ZNF200: variants seen among roughly 807,000 people sequenced by gnomAD.
ZNF200 encodes zinc finger protein 200.
A neutral mutation model predicts 33.6 loss-of-function variants in ZNF200; 35 were observed. The ratio of observed to expected loss-of-function variants is 1.04; its 90% confidence interval spans 0.80 to 1.38. ZNF200 has a LOEUF of 1.38. Among genes scored for constraint, ZNF200 ranks in the 40% most tolerant of loss-of-function variants. The probability of loss-of-function intolerance (pLI) is 0.00; values close to 1 mark genes in which losing one functional copy is unlikely to be tolerated. For synonymous variants in ZNF200, 209 were observed against 167.7 expected, an observed-to-expected ratio of 1.25 and a Z score of -1.90; for missense variants, 592 against 470.6, an observed-to-expected ratio of 1.26 and a Z score of -2.39.
intron 2 of ZNF200, 109 bp downstream of exon 2, chr16:3,233,397 T>C (rs1958697888): frequency 2.1e-6 from 3 of 1,415,830 alleles, no homozygotes; most frequent in Admixed American, 5.2e-5. Context: ...AATTGACTCC[T>C]TTTCCAATAT....
intron 3 of ZNF200, 53 bp from the exon 4 acceptor site, chr16:3,232,600 C>T: frequency 1.2e-6 from 2 of 1,600,614 alleles, no homozygotes; most frequent in Non-Finnish European, 1.7e-6. Flanking sequence ...CACTGACAGC[C>T]CTACTGGTAA....
chr16:3,233,900 G>A (rs1596344289), intron 1 of ZNF200, 64 bp from the exon 2 acceptor site: 1 of 1,352,042 alleles, frequency 7.4e-7, no homozygotes, highest in Non-Finnish European at 1.0e-6. Flanking sequence ...ACTCCAATAT[G>A]TGGCATGGCT....
In ZNF200 at chr16:3,233,659, G is replaced by C. The variant is rs777457053; in HGVS notation, c.97C>G (p.Arg33Gly). 7 of 1,613,792 alleles carry C rather than the reference G, an allele frequency of 4.3e-6. No homozygotes were observed. The highest frequency in any genetic ancestry group is 1.1e-5 in the South Asian group (1 of 91,086). ...PDSKLGQDLLRDATNGPKTIH... is the reference protein window; with the variant it reads ...PDSKLGQDLLGDATNGPKTIH... ...GTCTTGGGCCCGTTAGTGGCATCTC[G>C]AAGTAGGTCTTGGCCCAGCTTGGAG... The change falls in exon 2 of 5, where the codon CGA becomes GGA. Residue 33 changes from arginine to glycine, a missense_variant. By Grantham distance (125) the Arg-to-Gly change is moderately radical. Transcript: ENST00000414144.
At position 3,232,280 on chromosome 16, in the gene ZNF200, T is replaced by C. The variant is rs557014862; in HGVS notation, c.466+141A>G. 1,602 of 1,051,676 alleles carry C rather than the reference T, an allele frequency of 1.5e-3. 10 individuals are homozygous for C. The highest frequency in any genetic ancestry group is 9.9e-3 in the South Asian group (598 of 60,474). The allele number at this position is 1,051,676 out of a possible 1,614,324, so 65.1% of individuals were successfully genotyped here. On this transcript the variant is annotated intron_variant, in intron 4 of 4. Transcript: ENST00000414144. ...AGTTCTGTGGCAAGGCTCTGCTACA[T>C]TGAATAAAACAAAAGTAAAATAAAA...
At position 3,233,699 on chromosome 16, in the gene ZNF200, C is replaced by G; in HGVS notation, c.57G>C (p.Leu19=). 1 of 1,613,790 alleles carries G rather than the reference C, an allele frequency of 6.2e-7. No homozygotes were observed. ...MPPKPKQSFI[L]RVPPDSKLGQ... ...CCAGCTTGGAGTCTGGCGGAACTCT[C>G]AGTATAAAGGACTGCTTTGGCTTTG... The change falls in exon 2 of 5, where the codon CTG becomes CTC. Residue 19 remains leucine, a synonymous_variant. Coordinates refer to ENST00000414144, the MANE Select transcript of ZNF200 (RefSeq NM_198088.3).
rs1199649646 is a variant in ZNF200, at chr16:3,233,829, G to A, written c.-74C>T. Reference sequence around the variant, plus strand: ...CTCTTACTAGAGGAAATCTGCCAGAGAGCCAAGCTGTAGACAGAGAAACCA... The same window carrying A: ...CTCTTACTAGAGGAAATCTGCCAGAAAGCCAAGCTGTAGACAGAGAAACCA... On this transcript the variant is annotated 5_prime_UTR_variant, in exon 2 of 5. Coordinates refer to ENST00000414144, the MANE Select transcript of ZNF200 (RefSeq NM_198088.3). 3.9e-6 allele frequency: 6 copies of A among 1,531,166 alleles called. No individual in the cohort carries two copies. Among genetic ancestry groups the A allele is most frequent in the East Asian group, 2.3e-5 (1 of 43,472 alleles). The allele number at this position is 1,531,166 out of a possible 1,614,324, so 94.8% of individuals were successfully genotyped here.
intron 2 of ZNF200, 72 bp from the exon 3 acceptor site, chr16:3,232,993 GC>G: frequency 7.2e-7 from 1 of 1,384,934 alleles, no homozygotes; most frequent in Non-Finnish European, 1.0e-6. Context: ...ATACCGCGAG[GC>G]CAGGCTGTCC....
chr16:3,232,399 C>T (rs1178780795), intron 4 of ZNF200, 22 bp downstream of exon 4: 12 of 1,611,118 alleles, frequency 7.4e-6, no homozygotes, highest in Non-Finnish European at 1.0e-5. Context: ...AACCTGAACA[C>T]ACAAAGGCTG....
rs1958381906 is a variant in ZNF200 at position 3,223,460 on chromosome 16, C to T, written c.*432G>A. 6.4e-6 allele frequency: 1 copy of T among 156,478 alleles called. No individual in the cohort carries two copies. The highest frequency in any genetic ancestry group is 2.4e-5 in the African/African-American group (1 of 41,586). The allele number at this position is 156,478 out of a possible 1,614,324, so 9.7% of individuals were successfully genotyped here. On this transcript the variant is annotated 3_prime_UTR_variant, in exon 5 of 5. Coordinates refer to ENST00000414144, the MANE Select transcript of ZNF200 (RefSeq NM_198088.3). ...TGGCTAACAAGCCAGTAATTTGGTT[C>T]TTTCACCAGAACACAGTTCCAGATA...
intron 1 of ZNF200, chr16:3,234,626 C>T (rs1377483911): frequency 1.3e-5 from 2 of 152,316 alleles, no homozygotes; most frequent in African/African-American, 4.8e-5. Flanking sequence ...TGAATCTGGC[C>T]ATACTGTACC....
chr16:3,229,521 A>G lies in ZNF200; in HGVS notation c.466+2900T>C, dbSNP rs968522421. 2.0e-5 allele frequency among the ~76,000 whole-genome samples: 3 copies of G among 152,202 alleles called. No individual in the cohort carries two copies. The East Asian group carries it at 5.8e-4, about 29-fold the overall frequency. ...AAAAAGACTAGCCACCTACCCAAGAAAAGCACCAGCCTCAGACAGTTCCAC... is the reference window on the plus strand; with the variant it reads ...AAAAAGACTAGCCACCTACCCAAGAGAAGCACCAGCCTCAGACAGTTCCAC... On this transcript the variant is annotated intron_variant, in intron 4 of 4. Transcript: ENST00000414144.
chr16:3,231,634 T>C (rs1378060788), intron 4 of ZNF200, among the ~76,000 whole-genome samples: 2 of 152,220 alleles, frequency 1.3e-5, no homozygotes, highest in Admixed American at 1.3e-4. Flanking sequence ...GGGGGACACT[T>C]GTCAACTATT....
At chr16:3,229,431 GA>G (rs1346852680) in intron 4 of ZNF200, among the ~76,000 whole-genome samples, 1 of 151,850 alleles carries the variant, frequency 6.6e-6, no homozygotes, top group Non-Finnish European at 1.5e-5. Context: ...GTTAAAAATA[GA>G]AAAAAACTAG....
chr16:3,231,278 T>C (rs1958628660), intron 4 of ZNF200, among the ~76,000 whole-genome samples: 1 of 152,230 alleles, frequency 6.6e-6, no homozygotes, highest in Non-Finnish European at 1.5e-5. Flanking sequence ...CTGATCTTTT[T>C]ATCCTTTTCT....
chr16:3,232,494 C>G lies in ZNF200; in HGVS notation c.393G>C (p.Val131=). 1 of 1,614,108 alleles carries G rather than the reference C, an allele frequency of 6.2e-7. No individual in the cohort carries two copies. Among genetic ancestry groups the G allele is most frequent in the Non-Finnish European group, 8.5e-7 (1 of 1,180,008 alleles). Residue 131 remains valine, a synonymous_variant, in exon 4 of 5, where the codon GTG becomes GTC. Transcript: ENST00000414144. The stretch of plus-strand genomic sequence containing the variant: ...TGAGTTGTTGAGTAGGATCCAAGCT[C>G]ACACATTCTTCCTGGCAGTGAAATA... ...LNVFHCQEEC[V]SLDPTQQLTS...
rs1230639231 is a variant in ZNF200, at chr16:3,222,406, TAAC to T, written c.*1483_*1485del. ...ACTAAACCAACAAACTATTGAAAAT[TAAC>T]AACAGTGAGATGACTATACAAATAT... On this transcript the variant is annotated 3_prime_UTR_variant, in exon 5 of 5. Coordinates refer to ENST00000414144, the MANE Select transcript of ZNF200 (RefSeq NM_198088.3). 2 of 152,138 alleles carry T rather than the reference TAAC, an allele frequency of 1.3e-5. No individual in the cohort carries two copies. The allele number at this position is 152,138 out of a possible 1,614,324, so 9.4% of individuals were successfully genotyped here. A position where few individuals can be genotyped will look rare whatever the true frequency, so the allele number is the denominator to read the frequency against.
At chr16:3,228,925 T>G (rs942577057) in intron 4 of ZNF200, among the ~76,000 whole-genome samples, 1 of 152,148 alleles carries the variant, frequency 6.6e-6, no homozygotes, top group African/African-American at 2.4e-5. Flanking sequence ...TATACAGACC[T>G]TCATATTCAT....
chr16:3,233,787 G>A lies in ZNF200; in HGVS notation c.-32C>T, dbSNP rs768414132. 8 of 1,575,642 alleles carry A rather than the reference G, an allele frequency of 5.1e-6. No homozygotes were observed. The African/African-American group carries it at 5.4e-5, about 11-fold the overall frequency. On this transcript the variant is annotated 5_prime_UTR_variant, in exon 2 of 5. Coordinates refer to ENST00000414144, the MANE Select transcript of ZNF200 (RefSeq NM_198088.3). The stretch of plus-strand genomic sequence containing the variant: ...CAACCACACACCACACTCGTTTCGC[G>A]GGGCCTCCAGAGCCACCTCTTACTA...
At position 3,224,328 on chromosome 16, in the gene ZNF200, C is replaced by T. The variant is rs1184843988; in HGVS notation, c.752G>A (p.Trp251Ter). ...ALTRNRRTRRWYTCPLCGKQF... is the reference protein window; with the variant it reads ...ALTRNRRTRR The stretch of plus-strand genomic sequence containing the variant: ...TTTCCCACACAGTGGACAAGTGTAC[C>T]ATCTCCTTGTCCTCCGATTTCGAGT... Residue 251 changes from tryptophan to a stop codon, truncating the protein, a stop_gained, in exon 5 of 5, where the codon TGG becomes TAG. Coordinates refer to ENST00000414144, the MANE Select transcript of ZNF200 (RefSeq NM_198088.3). LOFTEE classifies it high-confidence loss of function. The T allele has an allele frequency of 7.4e-6, 12 of 1,614,010 alleles. No individual in the cohort carries two copies. Among genetic ancestry groups the T allele is most frequent in the Non-Finnish European group, 1.0e-5 (12 of 1,180,006 alleles).
Sources: allele counts gnomAD v4.1 joint callset (sites outside exome capture counted in the v4.1 genomes callset), GRCh38; gene constraint gnomAD v4.1.1; transcripts MANE v1.5; gene names NCBI Gene and HGNC (gene_info 2026-07-23, HGNC 2026-07-21).